The following UBAP2 variants were observed in gnomAD, a reference collection of about 807,000 sequenced individuals.
UBAP2 encodes the protein ubiquitin associated protein 2, also known as ubiquitin-associated protein 2.
UBAP2 carries 75 observed loss-of-function variants against 139.6 expected under a neutral mutation model. That is an observed-to-expected ratio of 0.54 (90% CI 0.45 to 0.65). UBAP2 has a LOEUF of 0.65. Ranked by LOEUF, UBAP2 falls within the 30% of genes least tolerant of loss-of-function variation. The pLI, the probability that UBAP2 is intolerant of heterozygous loss-of-function variation, is 0.00. For synonymous variants in UBAP2, 526 were observed against 526.2 expected (o/e 1.00, Z 0.01); for missense variants, 1,368 against 1,369.6 (o/e 1.00, Z 0.02).
intron 1 of UBAP2, among the ~76,000 whole-genome samples, chr9:34,021,254 CA>C (rs1196859089): frequency 6.6e-6 from 1 of 152,178 alleles, no homozygotes; most frequent in African/African-American, 2.4e-5. Flanking sequence ...TCAACAGCTT[CA>C]TTAACTGGCT....
chr9:34,046,595 G>C (rs1827607376), intron 1 of UBAP2, among the ~76,000 whole-genome samples: 1 of 137,722 alleles, frequency 7.3e-6, no homozygotes, highest in African/African-American at 2.7e-5. Flanking sequence ...AGTGAGCCGA[G>C]ATCAGGCCAC....
At chr9:33,949,169 A>AAAAT (rs964089248) in intron 12 of UBAP2, among the ~76,000 whole-genome samples, 26 of 150,990 alleles carry the variant, frequency 1.7e-4, no homozygotes, top group South Asian at 6.3e-4. Context: ...TCCATCTCAA[A>AAAAT]AAATAAATAA....
chr9:34,019,019 G>C (rs939800092), intron 1 of UBAP2, among the ~76,000 whole-genome samples: 2 of 152,130 alleles, frequency 1.3e-5, no homozygotes, highest in African/African-American at 4.8e-5. Flanking sequence ...AAATTATTCA[G>C]CCTTAAGAAG....
Position 33,929,583 on chromosome 9 carries a change from T to A in UBAP2, c.2176-1591A>T, listed in dbSNP as rs927502335. Among the ~76,000 whole-genome samples, 8 of 151,760 alleles carry A rather than the reference T, an allele frequency of 5.3e-5. No homozygotes were observed. In the South Asian group the frequency reaches 1.7e-3, roughly 32 times the overall value. On this transcript the variant is annotated intron_variant, in intron 19 of 28. Transcript: ENST00000379238. ...AAGAAAATGGAAGAAAATACACAGA[T>A]CTATGTAAAAAAAAATCATAAACAG...
At chr9:33,986,606 T>C (rs1288785990) in intron 6 of UBAP2, among the ~76,000 whole-genome samples, 154 bp downstream of exon 6, 1 of 152,150 alleles carries the variant, frequency 6.6e-6, no homozygotes, top group Non-Finnish European at 1.5e-5. Context: ...CCCAAAATAG[T>C]TCATTTACAG....
Position 33,940,007 on chromosome 9 carries a change from AAGAGGAGGGGGAGGG to A in UBAP2, c.1929+1627_1929+1641del, listed in dbSNP as rs1423535634. On this transcript the variant is annotated intron_variant, in intron 16 of 28. Transcript: ENST00000379238. ...AGGGAGGAGGGTGAGGAGGAGGGGA[AAGAGGAGGGGGAGGG>A]AGAGGAGGGAGAGGGAAGAGAGGGA... Among the ~76,000 whole-genome samples the A allele has an allele frequency of 6.7e-4, 75 of 111,636 alleles. 1 individual carries two copies. In the South Asian group the frequency reaches 0.025, roughly 37 times the overall value. 73.2% of individuals were successfully genotyped at this position (111,636 alleles called of 152,430 possible). A position where few individuals can be genotyped will look rare whatever the true frequency, so the allele number is the denominator to read the frequency against.
intron 6 of UBAP2, among the ~76,000 whole-genome samples, chr9:33,978,446 T>C (rs1368473509): frequency 6.6e-6 from 1 of 152,148 alleles, no homozygotes; most frequent in Non-Finnish European, 1.5e-5. Flanking sequence ...TTGTACTATA[T>C]AGACCGTATT....
intron 5 of UBAP2, among the ~76,000 whole-genome samples, chr9:33,987,789 T>C (rs1182677797): frequency 6.6e-6 from 1 of 152,200 alleles, no homozygotes; most frequent in African/African-American, 2.4e-5. Flanking sequence ...AATTTGCTCA[T>C]TAATTAGGTT....
chr9:33,997,036 C>G (rs1822263216), intron 3 of UBAP2: 3 of 151,970 alleles, frequency 2.0e-5, no homozygotes, highest in South Asian at 4.1e-4. Context: ...CTGTCTCCCC[C>G]CTCAAAAAAA....
chr9:34,043,397 G>A (rs1243922786), intron 1 of UBAP2, among the ~76,000 whole-genome samples: 1 of 152,118 alleles, frequency 6.6e-6, no homozygotes, highest in African/African-American at 2.4e-5. Flanking sequence ...CAACTCCTGG[G>A]CTCAAGTGAT....
chr9:33,981,266 T>TATATATATATATTCTGG (rs1564044712), intron 6 of UBAP2, among the ~76,000 whole-genome samples: 6 of 89,224 alleles, frequency 6.7e-5, no homozygotes, highest in African/African-American at 1.9e-4. Context: ...ATATTCTGGA[T>TATATATATATATTCTGG]ATATATATAT....
intron 1 of UBAP2, among the ~76,000 whole-genome samples, chr9:34,020,586 A>T (rs1824853190): frequency 6.6e-6 from 1 of 151,982 alleles, no homozygotes; most frequent in South Asian, 2.1e-4. Context: ...TTGGCCTCCC[A>T]AAGTGCTGAG....
At chr9:33,992,286 G>A (rs773633547) in intron 4 of UBAP2, among the ~76,000 whole-genome samples, 3 of 151,348 alleles carry the variant, frequency 2.0e-5, no homozygotes, top group East Asian at 1.9e-4. Flanking sequence ...TACTCGGGAG[G>A]CTGAGGCGGA....
At chr9:33,986,875 C>A (rs755936490) in intron 5 of UBAP2, 38 bp from the exon 6 acceptor site, 1 of 1,566,536 alleles carries the variant, frequency 6.4e-7, no homozygotes, top group Admixed American at 1.7e-5. Context: ...ATTTCCATTT[C>A]CAAACCTCTT....
intron 19 of UBAP2, among the ~76,000 whole-genome samples, chr9:33,931,936 A>C (rs1273739869): frequency 3.3e-5 from 5 of 151,976 alleles, no homozygotes; most frequent in African/African-American, 1.2e-4. Context: ...GCCTCTCTTA[A>C]GTTTTCATTG....
intron 1 of UBAP2, among the ~76,000 whole-genome samples, chr9:34,038,364 G>A (rs1255160495): frequency 1.3e-5 from 2 of 152,270 alleles, no homozygotes; most frequent in African/African-American, 4.8e-5. Flanking sequence ...CGCCATCTCG[G>A]CTCACTGCAA....
At position 33,980,310 on chromosome 9, in the gene UBAP2, A is replaced by C. The variant is rs1369210240; in HGVS notation, c.520+6450T>G. Among the ~76,000 whole-genome samples, 6 of 123,248 alleles carry C rather than the reference A, an allele frequency of 4.9e-5. No individual in the cohort carries two copies. The Admixed American group carries it at 5.6e-4, about 11-fold the overall frequency. The allele number at this position is 123,248 out of a possible 152,430, so 80.9% of individuals were successfully genotyped here. A position where few individuals can be genotyped will look rare whatever the true frequency, so the allele number is the denominator to read the frequency against. ...TGCAGTGGCGTGATCTCGGGTCACT[A>C]CGAGCTCCGTCTCCCAGGTTCACGC... On this transcript the variant is annotated intron_variant, in intron 6 of 28. Coordinates refer to ENST00000379238, the MANE Select transcript of UBAP2 (RefSeq NM_001370062.2).
At chr9:33,950,216 C>A (rs1260996916) in intron 12 of UBAP2, among the ~76,000 whole-genome samples, 1 of 152,054 alleles carries the variant, frequency 6.6e-6, no homozygotes, top group East Asian at 1.9e-4. Flanking sequence ...CAGGCGCCCA[C>A]CACCACGCCC....
At position 33,922,461 on chromosome 9, in the gene UBAP2, G is replaced by T; in HGVS notation, c.*43C>A. 6.3e-7 allele frequency: 1 copy of T among 1,584,198 alleles called. No homozygotes were observed. Among genetic ancestry groups the T allele is most frequent in the Non-Finnish European group, 8.6e-7 (1 of 1,159,540 alleles). The stretch of plus-strand genomic sequence containing the variant: ...AATACGTGCTCGTGTGTTCTCTCCT[G>T]CCCAGGATAAGCCTTGCCCCAGCCC... On this transcript the variant is annotated 3_prime_UTR_variant, in exon 29 of 29. Coordinates refer to ENST00000379238, the MANE Select transcript of UBAP2 (RefSeq NM_001370062.2).
Sources: allele counts gnomAD v4.1 joint callset (sites outside exome capture counted in the v4.1 genomes callset), GRCh38; gene constraint gnomAD v4.1.1; transcripts MANE v1.5; gene names NCBI Gene and HGNC (gene_info 2026-07-23, HGNC 2026-07-21).